ETF1: variants seen among roughly 807,000 people sequenced by gnomAD.
ETF1 encodes the protein eukaryotic translation termination factor 1.
In ETF1, 4 loss-of-function variants were observed where a neutral mutation model predicts 55.1. The observed-to-expected ratio is 0.07, with a 90% CI of 0.04 to 0.17. The LOEUF (loss-of-function observed/expected upper bound fraction) is 0.17. Among genes scored for constraint, ETF1 ranks in the 10% least tolerant of loss-of-function variants. The pLI is 1.00. For synonymous variants in ETF1, 157 were observed against 182.3 expected (o/e 0.86, Z 1.12); for missense variants, 142 against 523.6 (o/e 0.27, Z 7.11).
chr5:138,539,216 T>C (rs1766074728), intron 2 of ETF1, among the ~76,000 whole-genome samples: 1 of 152,208 alleles, frequency 6.6e-6, no homozygotes, highest in South Asian at 2.1e-4. Flanking sequence ...CTTTGTCACA[T>C]TCACCACTGT....
At chr5:138,518,646 A>G (rs749092787) in intron 3 of ETF1, 46 bp downstream of exon 3, 1 of 1,558,774 alleles carries the variant, frequency 6.4e-7, no homozygotes, top group Non-Finnish European at 8.8e-7. Context: ...AGTATAAAAC[A>G]TAACCAAAAT....
Position 138,518,747 on chromosome 5 carries a change from A to G in ETF1, c.207T>C (p.Leu69=). 1 of 1,613,822 alleles carries G rather than the reference A, an allele frequency of 6.2e-7. No individual in the cohort carries two copies. The highest frequency in any genetic ancestry group is 1.7e-5 in the Admixed American group (1 of 60,022). The change falls in exon 3 of 11, where the codon CTT becomes CTC. Residue 69 remains leucine, a synonymous_variant. Coordinates refer to ENST00000360541, the MANE Select transcript of ETF1 (RefSeq NM_004730.4). ...CAGATGTAATGGCTCCCAGGACTGA[A>G]AGGCGGTTTACTCGTGACTTAATGT... The part of the protein sequence containing the change: ...ASNIKSRVNR[L]SVLGAITSVQ...
At chr5:138,531,211 G>A (rs555804234) in intron 2 of ETF1, among the ~76,000 whole-genome samples, 2 of 152,216 alleles carry the variant, frequency 1.3e-5, no homozygotes, top group South Asian at 4.2e-4. Flanking sequence ...ACAGTCACAC[G>A]CGCACACAAA....
chr5:138,532,518 C>T lies in ETF1; in HGVS notation c.86+10315G>A, dbSNP rs540981997. ...ATGGAGCTCTAGTTCTTGACTATCG[C>T]CTCCCCTCCACCAGTAGTACCAGTT... On this transcript the variant is annotated intron_variant, in intron 2 of 10. Coordinates refer to ENST00000360541, the MANE Select transcript of ETF1 (RefSeq NM_004730.4). 2.0e-5 allele frequency among the ~76,000 whole-genome samples: 3 copies of T among 152,282 alleles called. No individual in the cohort carries two copies. In the East Asian group the frequency reaches 5.8e-4, roughly 29 times the overall value.
At chr5:138,527,607 T>C (rs766804165) in intron 2 of ETF1, among the ~76,000 whole-genome samples, 60 of 152,150 alleles carry the variant, frequency 3.9e-4, no homozygotes, top group Non-Finnish European at 6.9e-4. Context: ...CATCACAATC[T>C]AGACTGTAGG....
chr5:138,543,021 TC>T (rs34693221), intron 1 of ETF1, 75 bp downstream of exon 1: 3 of 1,239,590 alleles, frequency 2.4e-6, no homozygotes, highest in Non-Finnish European at 3.4e-6. Context: ...TTCCTCGCCA[TC>T]CCCCAGAGGC....
At chr5:138,520,684 G>A (rs154072) in intron 2 of ETF1, among the ~76,000 whole-genome samples, 65,747 of 151,900 alleles carry the variant, frequency 0.43, 14,726 homozygotes, top group East Asian at 0.79. Context: ...TGGGTGTCAC[G>A]TGATGCAGGC....
At chr5:138,508,443 T>G (rs569492217) in intron 10 of ETF1, 56 bp from the exon 11 acceptor site, 4 of 1,607,168 alleles carry the variant, frequency 2.5e-6, no homozygotes. Context: ...GGCATGTGTG[T>G]AGGTGGCTGG....
rs944927118 is a variant in ETF1 at position 138,542,163 on chromosome 5, A to G, written c.86+670T>C. ...ACATACACATGCAGATTCATTAACC[A>G]AAACCTACCCAGCACCCCTCACATC... is the stretch of plus-strand genomic sequence containing the variant. On this transcript the variant is annotated intron_variant, in intron 2 of 10. Transcript: ENST00000360541. Among the ~76,000 whole-genome samples, 6 of 152,244 alleles carry G rather than the reference A, an allele frequency of 3.9e-5. No homozygotes were observed. The East Asian group carries it at 1.2e-3, about 29-fold the overall frequency.
At position 138,517,582 on chromosome 5, in the gene ETF1, A is replaced by G; in HGVS notation, c.381T>C (p.Cys127=). Residue 127 remains cysteine, a synonymous_variant, in exon 4 of 11, where the codon TGT becomes TGC. Transcript: ENST00000360541. Reference sequence around the variant, plus strand: ...TTACCTCTGTATGGAATTTGTTGTCACACAAATACAATGACGTATTAATTG... The same window carrying G: ...TTACCTCTGTATGGAATTTGTTGTCGCACAAATACAATGACGTATTAATTG... The part of the protein sequence containing the change: ...FKPINTSLYL[C]DNKFHTEALT... The G allele has an allele frequency of 6.3e-7, 1 of 1,578,540 alleles. No homozygotes were observed. Among genetic ancestry groups the G allele is most frequent in the South Asian group, 1.1e-5 (1 of 87,370 alleles).
intron 9 of ETF1, among the ~76,000 whole-genome samples, chr5:138,509,879 G>A (rs1238300843): frequency 1.0e-5 from 1 of 97,404 alleles, no homozygotes; most frequent in Non-Finnish European, 1.9e-5. Flanking sequence ...TGGGTGACAA[G>A]AGCAAACTCC....
chr5:138,512,246 A>ATATATATTT, intron 6 of ETF1, among the ~76,000 whole-genome samples: 1 of 9,316 alleles, frequency 1.1e-4, no homozygotes, highest in African/African-American at 3.0e-4. Flanking sequence ...ATATATATAT[A>ATATATATTT]TATATATATA....
intron 7 of ETF1, 94 bp downstream of exon 7, chr5:138,511,381 C>A: frequency 6.7e-7 from 1 of 1,499,026 alleles, no homozygotes; most frequent in South Asian, 1.3e-5. Flanking sequence ...TACATACAAT[C>A]ACGTACATAC....
At chr5:138,527,822 G>A (rs752105726) in intron 2 of ETF1, among the ~76,000 whole-genome samples, 1 of 151,944 alleles carries the variant, frequency 6.6e-6, no homozygotes, top group Admixed American at 6.6e-5. Context: ...CCCCAGGCAG[G>A]AGTGCAGTGG....
chr5:138,512,225 A>AATATATAT (rs71867448), intron 6 of ETF1, among the ~76,000 whole-genome samples: 6 of 44,126 alleles, frequency 1.4e-4, no homozygotes, highest in African/African-American at 5.2e-4. Flanking sequence ...AAAAAAAAAA[A>AATATATAT]ATATATATAT....
At chr5:138,510,010 T>C (rs1764703002) in intron 9 of ETF1, among the ~76,000 whole-genome samples, 1 of 148,622 alleles carries the variant, frequency 6.7e-6, no homozygotes, top group African/African-American at 2.5e-5. Context: ...TAGTGAGCTA[T>C]GATTGTGCCA....
intron 2 of ETF1, among the ~76,000 whole-genome samples, chr5:138,529,062 G>C (rs1222981456): frequency 6.6e-6 from 1 of 152,134 alleles, no homozygotes; most frequent in Non-Finnish European, 1.5e-5. Context: ...CTGGGAGGCA[G>C]AGGTTGCAGT....
rs1051843540 is a variant in ETF1, at chr5:138,517,744, G to A, written c.263-44C>T. 7 of 1,374,852 alleles carry A rather than the reference G, an allele frequency of 5.1e-6. No individual in the cohort carries two copies. In the Admixed American group the frequency reaches 7.6e-5, roughly 15 times the overall value. 85.2% of individuals were successfully genotyped at this position (1,374,852 alleles called of 1,614,324 possible). On this transcript the variant is annotated intron_variant, in intron 3 of 10. Coordinates refer to ENST00000360541, the MANE Select transcript of ETF1 (RefSeq NM_004730.4). ...ATTTTTCTACTTTACCCCATATCTA[G>A]TTTTTCGTCAATTAATAGAAAATGT...
intron 2 of ETF1, among the ~76,000 whole-genome samples, chr5:138,539,924 C>T (rs1366987107): frequency 1.3e-5 from 2 of 152,188 alleles, no homozygotes; most frequent in African/African-American, 4.8e-5. Context: ...GGTGCCTTGT[C>T]TACCAAATGG....
Sources: allele counts gnomAD v4.1 joint callset (sites outside exome capture counted in the v4.1 genomes callset), GRCh38; gene constraint gnomAD v4.1.1; transcripts MANE v1.5; gene names NCBI Gene and HGNC (gene_info 2026-07-23, HGNC 2026-07-21).